The following CDH18 variants were observed in gnomAD, a reference collection of about 807,000 sequenced individuals.
CDH18 encodes cadherin 18.
A neutral mutation model predicts 67.9 loss-of-function variants in CDH18; 31 were observed. The ratio of observed to expected loss-of-function variants is 0.46; its 90% confidence interval spans 0.34 to 0.62. CDH18 has a LOEUF of 0.62. Among genes scored for constraint, CDH18 ranks in the 20% least tolerant of loss-of-function variants. CDH18 has a pLI of 0.01. For missense variants in CDH18, 890 were observed against 975.5 expected (o/e 0.91, Z 1.17); for synonymous variants, 362 against 347.2 (o/e 1.04, Z -0.48).
intron 7 of CDH18, among the ~76,000 whole-genome samples, chr5:19,581,121 A>G (rs1743183526): frequency 6.6e-6 from 1 of 151,970 alleles, no homozygotes; most frequent in Non-Finnish European, 1.5e-5. Flanking sequence ...TTATTCTGGC[A>G]TAATTTTTTA....
intron 1 of CDH18, among the ~76,000 whole-genome samples, chr5:20,346,429 G>A (rs1026179712): frequency 1.3e-5 from 2 of 152,112 alleles, no homozygotes; most frequent in Admixed American, 1.3e-4. Flanking sequence ...AAGAGCTTGG[G>A]CTGGTACTTC....
At chr5:19,719,844 TAAAAGAAAGAGA>T (rs1765787785) in intron 5 of CDH18, among the ~76,000 whole-genome samples, 1 of 144,516 alleles carries the variant, frequency 6.9e-6, no homozygotes, top group Non-Finnish European at 1.5e-5. Flanking sequence ...CTTTTTAAGG[TAAAAGAAAGAGA>T]GAAAGAAAGA....
chr5:20,343,899 A>G (rs570014299), intron 1 of CDH18, among the ~76,000 whole-genome samples: 96 of 152,270 alleles, frequency 6.3e-4, no homozygotes, highest in African/African-American at 2.2e-3. Flanking sequence ...AGTCCACCAA[A>G]AGAGGATGGG....
At chr5:19,590,901 T>C (rs1478434646) in intron 7 of CDH18, among the ~76,000 whole-genome samples, 156 bp downstream of exon 7, 1 of 152,096 alleles carries the variant, frequency 6.6e-6, no homozygotes, top group South Asian at 2.1e-4. Context: ...ATCTAAACAG[T>C]TGACAAACAA....
intron 1 of CDH18, among the ~76,000 whole-genome samples, chr5:20,441,745 T>C (rs1354069060): frequency 6.6e-6 from 1 of 151,752 alleles, no homozygotes; most frequent in East Asian, 1.9e-4. Context: ...GGGAACTACA[T>C]ATTGTAAATG....
At chr5:20,208,599 C>T (rs1740100312) in intron 2 of CDH18, among the ~76,000 whole-genome samples, 1 of 152,038 alleles carries the variant, frequency 6.6e-6, no homozygotes, top group African/African-American at 2.4e-5. Flanking sequence ...AAACCTACGA[C>T]TGGAAACTAT....
chr5:20,471,033 T>C (rs1265697419), intron 1 of CDH18, among the ~76,000 whole-genome samples: 2 of 152,218 alleles, frequency 1.3e-5, no homozygotes, highest in African/African-American at 2.4e-5. Flanking sequence ...GAAATGCTTA[T>C]AAACATTCTT....
At chr5:19,854,153 A>C (rs777840828) in intron 2 of CDH18, among the ~76,000 whole-genome samples, 7 of 152,124 alleles carry the variant, frequency 4.6e-5, no homozygotes, top group Non-Finnish European at 1.0e-4. Flanking sequence ...GCTTTTAAAC[A>C]TATTCATGAA....
At chr5:20,468,003 T>C (rs980357484) in intron 1 of CDH18, among the ~76,000 whole-genome samples, 2 of 90,674 alleles carry the variant, frequency 2.2e-5, no homozygotes, top group African/African-American at 7.3e-5. Flanking sequence ...TGTATTTATT[T>C]ATGTATTTAT....
intron 4 of CDH18, among the ~76,000 whole-genome samples, chr5:19,740,337 A>G (rs1768934207): frequency 6.6e-6 from 1 of 152,088 alleles, no homozygotes; most frequent in Non-Finnish European, 1.5e-5. Flanking sequence ...TTACATTGTG[A>G]TCTGTTATAT....
intron 2 of CDH18, among the ~76,000 whole-genome samples, chr5:19,897,949 G>A (rs556451914): frequency 8.1e-4 from 123 of 151,960 alleles, no homozygotes; most frequent in Non-Finnish European, 1.6e-3. Context: ...CTGGATGAAG[G>A]GAACATGGGT....
At chr5:19,803,983 T>C (rs62355773) in intron 3 of CDH18, 12,638 of 152,228 alleles carry the variant, frequency 0.083, 539 homozygotes, top group African/African-American at 0.1. Context: ...TAGCTGGGCG[T>C]GGTGGCGGGC....
At chr5:20,183,164 G>A (rs1737831047) in intron 2 of CDH18, among the ~76,000 whole-genome samples, 1 of 151,846 alleles carries the variant, frequency 6.6e-6, no homozygotes, top group Non-Finnish European at 1.5e-5. Flanking sequence ...TCAGAATAGT[G>A]TCTAGCATAG....
chr5:19,973,975 G>T (rs928978685), intron 2 of CDH18, among the ~76,000 whole-genome samples: 2 of 152,072 alleles, frequency 1.3e-5, no homozygotes, highest in Non-Finnish European at 2.9e-5. Flanking sequence ...TCAATGATTC[G>T]AGAAGGGTAT....
chr5:20,476,718 C>A (rs868278322), intron 1 of CDH18, among the ~76,000 whole-genome samples: 13 of 152,214 alleles, frequency 8.5e-5, no homozygotes, highest in East Asian at 1.9e-4. Context: ...AGTTCTCCAA[C>A]TATTACTCTG....
rs564486251 is a variant in CDH18 at position 20,047,974 on chromosome 5, T to C, written c.-517-55960A>G. On this transcript the variant is annotated intron_variant, in intron 2 of 14. Coordinates refer to the CDH18 transcript ENST00000507958. ...AGTATTGAGTGACTTCAATGCATAA[T>C]TTATGAAACATTTTTCAGCATCATG... is the stretch of plus-strand genomic sequence containing the variant. Among the ~76,000 whole-genome samples the C allele has an allele frequency of 2.6e-5, 4 of 151,900 alleles. No individual in the cohort carries two copies. In the South Asian group the frequency reaches 8.3e-4, roughly 31 times the overall value.
chr5:19,949,991 A>C (rs1795636590), intron 2 of CDH18, among the ~76,000 whole-genome samples: 1 of 149,784 alleles, frequency 6.7e-6, no homozygotes, highest in African/African-American at 2.5e-5. Flanking sequence ...ATATATATTA[A>C]ATAGACACAT....
At chr5:19,498,512 C>T (rs535745765) in intron 11 of CDH18, among the ~76,000 whole-genome samples, 1 of 152,142 alleles carries the variant, frequency 6.6e-6, no homozygotes, top group Non-Finnish European at 1.5e-5. Flanking sequence ...GCTCACAATC[C>T]ATTATCTACA....
At chr5:19,597,764 A>AGAG (rs541409157) in intron 6 of CDH18, among the ~76,000 whole-genome samples, 135 of 152,308 alleles carry the variant, frequency 8.9e-4, no homozygotes, top group African/African-American at 3.1e-3. Flanking sequence ...TCAAATTCTC[A>AGAG]GCTCATCTTC....
Sources: gnomAD v4.1 joint callset for allele counts (sites outside exome capture counted in the v4.1 genomes callset) on GRCh38, gnomAD v4.1.1 for gene constraint, MANE v1.5 for transcripts, NCBI Gene and HGNC (gene_info 2026-07-23, HGNC 2026-07-21) for gene names.